The following PCDH11X variants were observed in gnomAD, a reference collection of about 807,000 sequenced individuals.
PCDH11X encodes protocadherin-11 X-linked.
A neutral mutation model predicts 53.3 loss-of-function variants in PCDH11X; 18 were observed. The ratio of observed to expected loss-of-function variants is 0.34; its 90% confidence interval spans 0.23 to 0.50. The LOEUF (loss-of-function observed/expected upper bound fraction) is 0.50, where lower values mean the gene tolerates loss of function less well. Ranked by LOEUF, PCDH11X falls within the 20% of genes least tolerant of loss-of-function variation. The pLI, the probability that PCDH11X is intolerant of heterozygous loss-of-function variation, is 0.98. For missense variants in PCDH11X, 570 were observed against 1,032.4 expected (o/e 0.55, Z 6.14); for synonymous variants, 279 against 393.3 (o/e 0.71, Z 3.44).
intron 10 of PCDH11X, among the ~76,000 whole-genome samples, chrX:92,611,848 A>T (rs753662340): frequency 2.6e-4 from 27 of 105,048 alleles, no homozygotes; most frequent in African/African-American, 8.4e-4. Flanking sequence ...CTTTTTTTTT[A>T]AATTTACTTC....
intron 10 of PCDH11X, among the ~76,000 whole-genome samples, chrX:92,539,297 T>G (rs1253594193): frequency 9.0e-6 from 1 of 111,314 alleles, no homozygotes; most frequent in Admixed American, 9.6e-5. Flanking sequence ...TTATTCTTTT[T>G]AATTTTGTTT....
intron 6 of PCDH11X, among the ~76,000 whole-genome samples, chrX:92,075,050 C>G (rs762333254): frequency 7.8e-4 from 85 of 109,040 alleles, no homozygotes; most frequent in Non-Finnish European, 1.3e-3. Flanking sequence ...AGGAATGAAG[C>G]AAAACAAAGT....
At chrX:92,370,544 C>G (rs2148551554) in intron 8 of PCDH11X, among the ~76,000 whole-genome samples, 1 of 104,904 alleles carries the variant, frequency 9.5e-6, no homozygotes, top group Non-Finnish European at 1.9e-5. Flanking sequence ...ACTGAAATCT[C>G]CACCTCCCAG....
chrX:91,807,481 A>G (rs1936159384), intron 1 of PCDH11X, among the ~76,000 whole-genome samples: 1 of 108,673 alleles, frequency 9.2e-6, no homozygotes, highest in Admixed American at 9.9e-5. Context: ...TGTGAGGGGG[A>G]GAGAGAGAGA....
At chrX:92,375,235 G>A (rs2070724240) in intron 8 of PCDH11X, among the ~76,000 whole-genome samples, 1 of 78,535 alleles carries the variant, frequency 1.3e-5, no homozygotes, top group Non-Finnish European at 2.3e-5. Context: ...GATTGCAGTG[G>A]CACAATCTCA....
chrX:92,452,029 G>A (rs1412914818), intron 9 of PCDH11X, among the ~76,000 whole-genome samples: 1 of 108,847 alleles, frequency 9.2e-6, no homozygotes, highest in Non-Finnish European at 1.9e-5. Context: ...TCACATAAAT[G>A]TGTGAATTCT....
chrX:92,068,994 T>G (rs1408674920), intron 6 of PCDH11X, among the ~76,000 whole-genome samples: 1 of 110,832 alleles, frequency 9.0e-6, no homozygotes, highest in African/African-American at 3.3e-5. Flanking sequence ...TAGTTCCATT[T>G]GTTCTACTAT....
At chrX:91,912,282 A>G (rs994853535) in intron 6 of PCDH11X, among the ~76,000 whole-genome samples, 4 of 111,045 alleles carry the variant, frequency 3.6e-5, no homozygotes, top group African/African-American at 1.3e-4. Context: ...TCTCTTGTCT[A>G]GTGTGTCTAA....
At chrX:92,295,186 A>G (rs181006689) in intron 8 of PCDH11X, among the ~76,000 whole-genome samples, 1 of 110,493 alleles carries the variant, frequency 9.1e-6, no homozygotes, top group African/African-American at 3.3e-5. Flanking sequence ...TATGGTAAGC[A>G]CTGAACTGTA....
At chrX:92,444,492 G>T (rs1234445203) in intron 9 of PCDH11X, among the ~76,000 whole-genome samples, 3 of 105,599 alleles carry the variant, frequency 2.8e-5, no homozygotes, top group Non-Finnish European at 3.9e-5. Flanking sequence ...GTGGTAGTTT[G>T]ACTCTTTTCT....
intron 9 of PCDH11X, among the ~76,000 whole-genome samples, chrX:92,399,843 G>A (rs775629265): frequency 1.8e-5 from 2 of 108,972 alleles, no homozygotes; most frequent in South Asian, 4.1e-4. Flanking sequence ...CTGGGTTCAC[G>A]CCATTCTCCT....
At chrX:91,795,337 T>A (rs1227761175) in intron 1 of PCDH11X, among the ~76,000 whole-genome samples, 1 of 111,545 alleles carries the variant, frequency 9.0e-6, no homozygotes, top group Non-Finnish European at 1.9e-5. Context: ...TGAAATGGAA[T>A]TTAGGTCTGC....
intron 9 of PCDH11X, among the ~76,000 whole-genome samples, chrX:92,465,254 G>A (rs2073135812): frequency 1.8e-5 from 2 of 111,556 alleles, no homozygotes; most frequent in Non-Finnish European, 3.8e-5. Context: ...AATAAACATT[G>A]TAATTCACTG....
intron 10 of PCDH11X, among the ~76,000 whole-genome samples, chrX:92,471,125 T>C (rs188052488): frequency 0.016 from 1,699 of 103,166 alleles, 13 homozygotes; most frequent in Non-Finnish European, 0.026. Context: ...TTTTAACTTT[T>C]AAGTTCAGGG....
intron 9 of PCDH11X, among the ~76,000 whole-genome samples, chrX:92,403,917 C>T (rs1423145790): frequency 9.1e-6 from 1 of 110,395 alleles, no homozygotes; most frequent in Non-Finnish European, 1.9e-5. Flanking sequence ...TCATTTGAGT[C>T]CAATTACTAT....
At chrX:92,199,176 A>T (rs1167905816) in intron 6 of PCDH11X, among the ~76,000 whole-genome samples, 2 of 111,928 alleles carry the variant, frequency 1.8e-5, no homozygotes, top group African/African-American at 6.5e-5. Context: ...CTCAGGAATA[A>T]TAATAAGATC....
At chrX:91,787,966 A>C (rs1398883312) in intron 1 of PCDH11X, among the ~76,000 whole-genome samples, 1 of 111,958 alleles carries the variant, frequency 8.9e-6, no homozygotes, top group African/African-American at 3.3e-5. Flanking sequence ...GGAAGGGACC[A>C]GAAAGATAAT....
chrX:92,311,275 C>G (rs2755328), intron 8 of PCDH11X, among the ~76,000 whole-genome samples: 31,578 of 108,199 alleles, frequency 0.29, 4,129 homozygotes, highest in East Asian at 0.68. Context: ...TCCATTTTGA[C>G]ATAGAGTCAG....
intron 7 of PCDH11X, among the ~76,000 whole-genome samples, chrX:92,243,676 C>A (rs1322672476): frequency 9.0e-6 from 1 of 111,236 alleles, no homozygotes; most frequent in African/African-American, 3.3e-5. Context: ...GGTCTTGATA[C>A]CACCAACAGT....
Sources: allele counts gnomAD v4.1 joint callset (sites outside exome capture counted in the v4.1 genomes callset), GRCh38; gene constraint gnomAD v4.1.1; transcripts MANE v1.5; gene names NCBI Gene and HGNC (gene_info 2026-07-23, HGNC 2026-07-21).